Variants in ATP8A1 observed in about 807,000 individuals in gnomAD.
ATP8A1 encodes the protein ATPase phospholipid transporting 8A1, also known as phospholipid-transporting ATPase IA.
In ATP8A1, 90 loss-of-function variants were observed where a neutral mutation model predicts 177.7. That is an observed-to-expected ratio of 0.51 (90% CI 0.43 to 0.60). ATP8A1 has a LOEUF of 0.60. Among genes scored for constraint, ATP8A1 ranks in the 20% least tolerant of loss-of-function variants. The probability of loss-of-function intolerance (pLI) is 0.00; values close to 1 mark genes in which losing one functional copy is unlikely to be tolerated. For synonymous variants in ATP8A1, 493 were observed against 485.9 expected (o/e 1.01, Z -0.19); for missense variants, 1,072 against 1,392.8 (o/e 0.77, Z 3.67).
chr4:42,626,747 C>G, intron 2 of ATP8A1: 1 of 502,810 alleles, frequency 2.0e-6, no homozygotes, highest in East Asian at 3.6e-5. Context: ...AAGCAGCTTT[C>G]ATTATTCAAT....
At chr4:42,545,118 C>T (rs1728764604) in intron 19 of ATP8A1, among the ~76,000 whole-genome samples, 1 of 148,854 alleles carries the variant, frequency 6.7e-6, no homozygotes, top group African/African-American at 2.5e-5. Context: ...CGAGATTGCA[C>T]CACTGCACTC....
chr4:42,509,375 A>G (rs151222221), intron 22 of ATP8A1, among the ~76,000 whole-genome samples: 1,529 of 152,320 alleles, frequency 0.01, 24 homozygotes, highest in African/African-American at 0.035. Context: ...TTGAGGAAGA[A>G]GGGGGATGGG....
chr4:42,479,733 A>C (rs1721458781), intron 25 of ATP8A1, among the ~76,000 whole-genome samples: 1 of 152,198 alleles, frequency 6.6e-6, no homozygotes, highest in Non-Finnish European at 1.5e-5. Flanking sequence ...TGTGGAAGGT[A>C]TATATGTTTA....
Position 42,563,578 on chromosome 4 carries a change from G to A in ATP8A1, c.1340+5583C>T, listed in dbSNP as rs185290249. On this transcript the variant is annotated intron_variant, in intron 15 of 36. Transcript: ENST00000381668. ...AAAAATGTCTCCAGGGCATGTCAGA[G>A]GTCTTCATGGCAGCCCCTCCCATCA... 2.3e-3 allele frequency among the ~76,000 whole-genome samples: 350 copies of A among 152,350 alleles called. 2 individuals are homozygous for A. The highest frequency in any genetic ancestry group is 8.2e-3 in the African/African-American group (339 of 41,588).
chr4:42,498,894 G>A (rs1442369691), intron 24 of ATP8A1, among the ~76,000 whole-genome samples: 2 of 152,144 alleles, frequency 1.3e-5, no homozygotes, highest in Non-Finnish European at 2.9e-5. Flanking sequence ...ATCCCCCAGT[G>A]CCGCCGAGCT....
chr4:42,636,156 A>ACACACGCGCGTGCG (rs565139270), intron 1 of ATP8A1, among the ~76,000 whole-genome samples: 2 of 90,898 alleles, frequency 2.2e-5, no homozygotes, highest in African/African-American at 3.3e-5. Context: ...ACACACACAC[A>ACACACGCGCGTGCG]CGCACACACA....
intron 20 of ATP8A1, among the ~76,000 whole-genome samples, chr4:42,538,356 A>C (rs1051450996): frequency 2.0e-5 from 3 of 152,340 alleles, no homozygotes; most frequent in Admixed American, 1.3e-4. Flanking sequence ...ACACTGGCTT[A>C]GGCAAAGACT....
chr4:42,559,373 A>C (rs1257810007), intron 15 of ATP8A1, among the ~76,000 whole-genome samples: 1 of 152,226 alleles, frequency 6.6e-6, no homozygotes, highest in Non-Finnish European at 1.5e-5. Context: ...ACAATTCACA[A>C]GGAAGGAAAT....
At chr4:42,632,797 T>G (rs1738885184) in intron 1 of ATP8A1, among the ~76,000 whole-genome samples, 1 of 152,182 alleles carries the variant, frequency 6.6e-6, no homozygotes, top group Non-Finnish European at 1.5e-5. Flanking sequence ...TGAGCTCAAG[T>G]TCTTCTACCA....
chr4:42,590,918 C>CAAA (rs3833615), intron 6 of ATP8A1, 34 bp from the exon 7 acceptor site: 290 of 1,159,690 alleles, frequency 2.5e-4, no homozygotes, highest in Admixed American at 1.5e-3. Context: ...TTAAAATGGC[C>CAAA]AAAAAAAAAA....
intron 33 of ATP8A1, 38 bp downstream of exon 33, chr4:42,443,527 A>T: frequency 1.2e-6 from 1 of 850,732 alleles, no homozygotes. Context: ...ACCAGTTTTT[A>T]AGGTTTTGTT....
rs772642028 is a variant in ATP8A1 at position 42,543,932 on chromosome 4, G to A, written c.1707C>T (p.Leu569=). ...IVRTPSGKLR[L]YCKGADTVIY... ...AAAAACTTACAGCTCCTTTGCAGTA[G>A]AGTCGTAACTTTCCAGATGGAGTGC... is the stretch of plus-strand genomic sequence containing the variant. The change falls in exon 20 of 37, where the codon CTC becomes CTT. Residue 569 remains leucine, a synonymous_variant. Coordinates refer to ENST00000381668, the MANE Select transcript of ATP8A1 (RefSeq NM_006095.2). The A allele has an allele frequency of 3.7e-6, 6 of 1,611,924 alleles. No homozygotes were observed. Among genetic ancestry groups the A allele is most frequent in the Non-Finnish European group, 4.2e-6 (5 of 1,178,974 alleles).
intron 1 of ATP8A1, among the ~76,000 whole-genome samples, chr4:42,651,228 G>A (rs1046426702): frequency 2.6e-5 from 4 of 152,036 alleles, no homozygotes; most frequent in African/African-American, 7.2e-5. Flanking sequence ...GCCCAGTCTC[G>A]GTACGTCTTC....
At chr4:42,577,870 A>G (rs913001888) in intron 12 of ATP8A1, among the ~76,000 whole-genome samples, 10 of 152,280 alleles carry the variant, frequency 6.6e-5, no homozygotes, top group African/African-American at 7.2e-5. Flanking sequence ...TAGTCCATAA[A>G]ACCACTGTAA....
intron 15 of ATP8A1, among the ~76,000 whole-genome samples, chr4:42,568,660 C>T (rs1731593248): frequency 6.6e-6 from 1 of 152,178 alleles, no homozygotes; most frequent in Non-Finnish European, 1.5e-5. Flanking sequence ...AGTTTTCTAA[C>T]ATTTGGTGCA....
intron 27 of ATP8A1, among the ~76,000 whole-genome samples, chr4:42,456,914 C>T (rs896934610): frequency 1.3e-5 from 2 of 152,126 alleles, no homozygotes; most frequent in Non-Finnish European, 2.9e-5. Flanking sequence ...AGGCTGGCCT[C>T]CCTATGAACA....
chr4:42,644,860 A>G (rs1341486737), intron 1 of ATP8A1, among the ~76,000 whole-genome samples: 2 of 152,234 alleles, frequency 1.3e-5, no homozygotes, highest in African/African-American at 4.8e-5. Context: ...ATAAATCAAT[A>G]AATCTAGACT....
At chr4:42,460,519 C>G (rs1350242416) in intron 27 of ATP8A1, among the ~76,000 whole-genome samples, 1 of 151,444 alleles carries the variant, frequency 6.6e-6, no homozygotes, top group Non-Finnish European at 1.5e-5. Flanking sequence ...TCCTAAGTAG[C>G]TGGGATTACA....
chr4:42,640,133 T>C (rs182922601), intron 1 of ATP8A1, among the ~76,000 whole-genome samples: 3 of 152,126 alleles, frequency 2.0e-5, no homozygotes, highest in East Asian at 3.9e-4. Flanking sequence ...ATAAAGATCA[T>C]AAACCACTGT....
Sources: allele counts gnomAD v4.1 joint callset (sites outside exome capture counted in the v4.1 genomes callset), GRCh38; gene constraint gnomAD v4.1.1; transcripts MANE v1.5; gene names NCBI Gene and HGNC (gene_info 2026-07-23, HGNC 2026-07-21).